Variants in JAK1 observed in about 807,000 individuals in gnomAD.
The protein encoded by JAK1 is Janus kinase 1.
JAK1 carries 16 observed loss-of-function variants against 136.6 expected under a neutral mutation model. That is an observed-to-expected ratio of 0.12 (90% CI 0.08 to 0.18). JAK1 has a LOEUF of 0.18. Among genes scored for constraint, JAK1 ranks in the 10% least tolerant of loss-of-function variants. The pLI is 1.00. For synonymous variants in JAK1, 492 were observed against 519.5 expected (o/e 0.95, Z 0.72); for missense variants, 859 against 1,450.1 (o/e 0.59, Z 6.62).
At chr1:64,887,364 C>T (rs1303313533) in intron 1 of JAK1, among the ~76,000 whole-genome samples, 2 of 152,126 alleles carry the variant, frequency 1.3e-5, no homozygotes, top group East Asian at 3.9e-4. Context: ...TTAATATAAT[C>T]AATTGTTTTA....
At chr1:64,994,727 T>C (rs943416825) in intron 2 of JAK1, among the ~76,000 whole-genome samples, 1 of 152,146 alleles carries the variant, frequency 6.6e-6, no homozygotes. Flanking sequence ...TTTAATTGAA[T>C]GGCCGAGAAG....
At chr1:64,838,245 A>C in intron 21 of JAK1, 141 bp from the exon 22 acceptor site, 2 of 960,804 alleles carry the variant, frequency 2.1e-6, no homozygotes, top group South Asian at 3.6e-5. Context: ...TTATGCAAGA[A>C]TATTAAGAAC....
chr1:65,006,630 A>G (rs1646805973), intron 2 of JAK1, among the ~76,000 whole-genome samples: 1 of 152,164 alleles, frequency 6.6e-6, no homozygotes, highest in Non-Finnish European at 1.5e-5. Context: ...GGTATAAACC[A>G]CCACACCCAA....
intron 2 of JAK1, chr1:64,979,569 CAAGT>C (rs899064684): frequency 5.3e-5 from 8 of 152,156 alleles, no homozygotes; most frequent in African/African-American, 1.9e-4. Flanking sequence ...TTACTCAGTA[CAAGT>C]ATGTGCCAAG....
At chr1:64,864,231 C>G (rs1656552894) in intron 8 of JAK1, among the ~76,000 whole-genome samples, 1 of 152,232 alleles carries the variant, frequency 6.6e-6, no homozygotes, top group Admixed American at 6.5e-5. Flanking sequence ...CTGACACAAA[C>G]AGGTTTATTT....
chr1:65,008,224 A>G (rs1392658621), intron 2 of JAK1, among the ~76,000 whole-genome samples: 1 of 152,188 alleles, frequency 6.6e-6, no homozygotes, highest in Non-Finnish European at 1.5e-5. Flanking sequence ...AGAAAAGCCC[A>G]GGGGAGCAGG....
chr1:64,969,769 A>T (rs1205320600), upstream of JAK1, among the ~76,000 whole-genome samples: 5 of 152,092 alleles, frequency 3.3e-5, no homozygotes, highest in Admixed American at 2.6e-4. Flanking sequence ...CTGACCAAGG[A>T]TGCCACCGAC....
intron 2 of JAK1, among the ~76,000 whole-genome samples, chr1:64,994,696 T>C (rs1646688282): frequency 6.6e-6 from 1 of 152,166 alleles, no homozygotes; most frequent in Admixed American, 6.5e-5. Context: ...GGGCACACAT[T>C]CAAACCGCAA....
At chr1:64,847,146 G>A (rs955475059) in intron 13 of JAK1, among the ~76,000 whole-genome samples, 1 of 152,236 alleles carries the variant, frequency 6.6e-6, no homozygotes, top group Admixed American at 6.5e-5. Flanking sequence ...ATAGTCTGTA[G>A]AATCCTGGGT....
At chr1:64,897,000 A>C (rs770021053) in intron 1 of JAK1, among the ~76,000 whole-genome samples, 4 of 152,354 alleles carry the variant, frequency 2.6e-5, no homozygotes, top group Non-Finnish European at 4.4e-5. Flanking sequence ...ACATAAACAC[A>C]GTAGGAAAAC....
At chr1:64,849,360 T>C (rs924481370) in intron 12 of JAK1, among the ~76,000 whole-genome samples, 1 of 152,148 alleles carries the variant, frequency 6.6e-6, no homozygotes, top group African/African-American at 2.4e-5. Flanking sequence ...CAGCTCATTT[T>C]TTCATTTGTA....
intron 14 of JAK1, among the ~76,000 whole-genome samples, chr1:64,846,161 G>A (rs892902181): frequency 6.6e-6 from 1 of 152,158 alleles, no homozygotes; most frequent in Non-Finnish European, 1.5e-5. Context: ...GGAACTCAGA[G>A]GCCAAGGCCA....
intron 11 of JAK1, 63 bp from the exon 12 acceptor site, chr1:64,850,973 C>A: frequency 2.6e-6 from 3 of 1,144,748 alleles, no homozygotes; most frequent in Non-Finnish European, 2.6e-6. Context: ...AGACAGCCAA[C>A]GTCTGCTGAG....
In JAK1 at chr1:64,870,060, G is replaced by A. The variant is rs571367655; in HGVS notation, c.484-586C>T. Among the ~76,000 whole-genome samples, 17 of 152,280 alleles carry A rather than the reference G, an allele frequency of 1.1e-4. No homozygotes were observed. In the East Asian group the frequency reaches 2.5e-3, roughly 22 times the overall value. The stretch of plus-strand genomic sequence containing the variant: ...GGTGCACAGCATTCTAAGAACTAAC[G>A]GGAACTTTAAACACAAAAACTAAAA... On this transcript the variant is annotated intron_variant, in intron 5 of 24. Coordinates refer to ENST00000342505, the MANE Select transcript of JAK1 (RefSeq NM_002227.4).
chr1:64,977,169 A>T (rs372747355), intron 2 of JAK1, among the ~76,000 whole-genome samples: 3 of 100,848 alleles, frequency 3.0e-5, no homozygotes, highest in Non-Finnish European at 6.4e-5. Flanking sequence ...TTGTTTGTTG[A>T]GATAGGATCT....
At chr1:64,913,674 AGG>A (rs1491564095) in intron 1 of JAK1, among the ~76,000 whole-genome samples, 341 of 28,708 alleles carry the variant, frequency 0.012, 7 homozygotes, top group South Asian at 0.023. Flanking sequence ...GAAGGAAGGA[AGG>A]AAGGAAGGAA....
chr1:64,856,617 C>T (rs1370375428), intron 10 of JAK1, among the ~76,000 whole-genome samples: 1 of 152,158 alleles, frequency 6.6e-6, no homozygotes, highest in South Asian at 2.1e-4. Flanking sequence ...ACCCCTCCAT[C>T]GTAAACACAT....
intron 1 of JAK1, among the ~76,000 whole-genome samples, chr1:64,965,264 A>G (rs1231709364): frequency 1.3e-5 from 2 of 152,162 alleles, no homozygotes; most frequent in Non-Finnish European, 2.9e-5. Flanking sequence ...GAAAAACCCT[A>G]TGACTTGGGG....
At chr1:65,047,445 G>A (rs1344914585) in intron 1 of JAK1, among the ~76,000 whole-genome samples, 1 of 152,044 alleles carries the variant, frequency 6.6e-6, no homozygotes, top group Non-Finnish European at 1.5e-5. Flanking sequence ...AAGGCTGGGC[G>A]CGATGGCTCA....
Sources: allele counts gnomAD v4.1 joint callset (sites outside exome capture counted in the v4.1 genomes callset), GRCh38; gene constraint gnomAD v4.1.1; transcripts MANE v1.5; gene names NCBI Gene and HGNC (gene_info 2026-07-23, HGNC 2026-07-21).